The following HDAC5 variants were observed in gnomAD, a reference collection of about 807,000 sequenced individuals.
HDAC5 encodes the protein antigen NY-CO-9.
Under a neutral mutation model 133.3 loss-of-function variants are expected in HDAC5, and 25 were observed. The ratio of observed to expected loss-of-function variants is 0.19; its 90% confidence interval spans 0.14 to 0.26. HDAC5 has a LOEUF of 0.26. Ranked by LOEUF, HDAC5 falls within the 10% of genes least tolerant of loss-of-function variation. The pLI is 1.00. For missense variants in HDAC5, 1,041 were observed against 1,460.5 expected (o/e 0.71, Z 4.68); for synonymous variants, 589 against 610.8 (o/e 0.96, Z 0.53).
At chr17:44,102,113 C>T in intron 3 of HDAC5, among the ~76,000 whole-genome samples, 1 of 152,214 alleles carries the variant, frequency 6.6e-6, no homozygotes, top group Admixed American at 6.5e-5. Context: ...ACAGGCCCAG[C>T]ACTTAAGGCT....
In HDAC5 at chr17:44,093,451, T is replaced by C. The variant is rs1236974778; in HGVS notation, c.389A>G (p.Gln130Arg). The C allele has an allele frequency of 1.2e-6, 2 of 1,605,066 alleles. No individual in the cohort carries two copies. Among genetic ancestry groups the C allele is most frequent in the East Asian group, 2.2e-5 (1 of 44,760 alleles). The change falls in exon 5 of 27, where the codon CAG becomes CGG. Residue 130 changes from glutamine to arginine, a missense_variant. By Grantham distance (43) the Gln-to-Arg change is conservative. Coordinates refer to ENST00000682912, the MANE Select transcript of HDAC5 (RefSeq NM_005474.5). Reference protein sequence around the residue: ...QQEMLAAKQQQEMLAAKRQQE... With the variant: ...QQEMLAAKQQREMLAAKRQQE... ...CTGCCGCTTGGCTGCCAGCATCTCC[T>C]GCTGCTGCTTGGCTGCCAGCATCTC...
At chr17:44,092,591 C>T in intron 7 of HDAC5, 64 bp from the exon 8 acceptor site, 1 of 1,569,674 alleles carries the variant, frequency 6.4e-7, no homozygotes, top group Non-Finnish European at 8.7e-7. Flanking sequence ...GCTGAGCCCA[C>T]TGGGGTCAGG....
At chr17:44,085,283 A>C (rs909582967) in intron 14 of HDAC5, 128 bp from the exon 15 acceptor site, 2 of 889,468 alleles carry the variant, frequency 2.2e-6, no homozygotes, top group Admixed American at 3.3e-5. Flanking sequence ...CCCCATGGCC[A>C]CTGCAGCCAC....
intron 3 of HDAC5, among the ~76,000 whole-genome samples, chr17:44,097,977 G>A (rs1278746742): frequency 6.6e-6 from 1 of 152,266 alleles, no homozygotes; most frequent in Non-Finnish European, 1.5e-5. Flanking sequence ...CAGGCAGAGG[G>A]CTCTGCCATG....
Position 44,092,496 on chromosome 17 carries a change from C to A in HDAC5, c.804G>T (p.Arg268Ser). ...ASEPNLKVRS[R>S]LKQKVAERRS... ...TCCGCTCAGCCACCTTCTGTTTTAG[C>A]CTTGAACGCACTTTCAAGTTGGGTT... is the stretch of plus-strand genomic sequence containing the variant. The change falls in exon 8 of 27, where the codon AGG (arginine) becomes AGT (serine). Residue 268 changes from arginine to serine, a missense_variant. Physicochemically the swap from Arg to Ser is moderately radical, Grantham distance 110. Coordinates refer to ENST00000682912, the MANE Select transcript of HDAC5 (RefSeq NM_005474.5). 6.2e-7 allele frequency: 1 copy of A among 1,613,824 alleles called. No homozygotes were observed. The highest frequency in any genetic ancestry group is 8.5e-7 in the Non-Finnish European group (1 of 1,179,858).
intron 3 of HDAC5, 144 bp downstream of exon 3, chr17:44,110,585 T>C: frequency 1.5e-6 from 1 of 656,048 alleles, no homozygotes. Context: ...TGAGCAGGGA[T>C]CCCCCAGCCC....
At chr17:44,101,973 G>A (rs574835414) in intron 3 of HDAC5, among the ~76,000 whole-genome samples, 1 of 152,324 alleles carries the variant, frequency 6.6e-6, no homozygotes. Flanking sequence ...AATCCCCTCA[G>A]GGAGGAAGAT....
In HDAC5 at chr17:44,117,500, C is replaced by T. The variant is rs761589855; in HGVS notation, c.16G>A (p.Glu6Lys). 4 of 1,614,052 alleles carry T rather than the reference C, an allele frequency of 2.5e-6. No homozygotes were observed. In the South Asian group the frequency reaches 3.3e-5, roughly 13 times the overall value. The change falls in exon 2 of 27, where the codon GAG (glutamate) becomes AAG (lysine). Residue 6 changes from glutamate (E) to lysine (K), a missense_variant. By Grantham distance (56) the Glu-to-Lys change is moderately conservative. Coordinates refer to ENST00000682912, the MANE Select transcript of HDAC5 (RefSeq NM_005474.5). This position sits in a 1 kb window ranked among gnomAD's most constrained non-coding sequence, Gnocchi z 4.2. Reference protein sequence around the residue: MNSPNESDGMSGREPS... With the variant: MNSPNKSDGMSGREPS... ...CCAACCTCCCAGCTCTTACCCGACT[C>T]GTTGGGAGAGTTCATGCCGGCTCTG...
Position 44,093,468 on chromosome 17 carries a change from C to G in HDAC5, c.372G>C (p.Leu124=). Residue 124 remains leucine (L), a synonymous_variant, in exon 5 of 27, where the codon CTG becomes CTC. Transcript: ENST00000682912. ...GCATCTCCTGCTGCTGCTTGGCTGC[C>G]AGCATCTCCTGCTGCTGCTGCAGGG... ...QKHLKQQQEM[L]AAKQQQEMLA... is the part of the protein sequence containing the mutation. 6.2e-7 allele frequency: 1 copy of G among 1,606,952 alleles called. No homozygotes were observed. The highest frequency in any genetic ancestry group is 1.1e-5 in the South Asian group (1 of 90,822).
At chr17:44,118,720 C>T (rs1230524397) in intron 1 of HDAC5, among the ~76,000 whole-genome samples, 1 of 152,150 alleles carries the variant, frequency 6.6e-6, no homozygotes, top group Admixed American at 6.5e-5. Context: ...CAAATGAAGG[C>T]AGGCCCTCCA....
At chr17:44,084,364 G>A (rs377444821) in intron 16 of HDAC5, among the ~76,000 whole-genome samples, 191 bp downstream of exon 16, 41 of 152,278 alleles carry the variant, frequency 2.7e-4, no homozygotes, top group African/African-American at 9.4e-4. Flanking sequence ...CCTGCACCGC[G>A]CCCCACAGCA....
chr17:44,113,699 C>T (rs1452376765), intron 2 of HDAC5, among the ~76,000 whole-genome samples: 1 of 152,162 alleles, frequency 6.6e-6, no homozygotes, highest in Non-Finnish European at 1.5e-5. Context: ...TCTGCCCCTC[C>T]CTCAAAGGCT....
At chr17:44,101,755 G>A (rs975865882) in intron 3 of HDAC5, among the ~76,000 whole-genome samples, 8 of 152,188 alleles carry the variant, frequency 5.3e-5, no homozygotes, top group African/African-American at 1.4e-4. Flanking sequence ...CCTGACTCCT[G>A]GCACAGGCAG....
chr17:44,085,013 C>A lies in HDAC5; in HGVS notation c.2184+9G>T, dbSNP rs770890634. On this transcript the variant is annotated intron_variant, in intron 15 of 26. Transcript: ENST00000682912. The stretch of plus-strand genomic sequence containing the variant: ...AGTTGAGAGCCAGAAGAAGGAGGGG[C>A]TCCCTTACCTCGCACTTGCTAAGCA... 1.3e-6 allele frequency: 2 copies of A among 1,574,732 alleles called. No homozygotes were observed. Among genetic ancestry groups the A allele is most frequent in the Admixed American group, 1.7e-5 (1 of 57,148 alleles).
intron 1 of HDAC5, among the ~76,000 whole-genome samples, chr17:44,119,557 C>G (rs2052856517): frequency 6.6e-6 from 1 of 152,330 alleles, no homozygotes; most frequent in East Asian, 1.9e-4. Flanking sequence ...GCTCGGGACT[C>G]ATCTACGTCT....
At chr17:44,092,620 CCA>C in intron 7 of HDAC5, 54 bp downstream of exon 7, 1 of 1,540,062 alleles carries the variant, frequency 6.5e-7, no homozygotes, top group Non-Finnish European at 8.8e-7. Context: ...TGCCACAAGC[CCA>C]CCTCTGCCTC....
intron 3 of HDAC5, among the ~76,000 whole-genome samples, chr17:44,099,447 G>A (rs1597990044): frequency 1.3e-5 from 2 of 152,062 alleles, no homozygotes; most frequent in East Asian, 3.9e-4. Flanking sequence ...CTGGGTTGCT[G>A]AGTGGGTGGG....
At chr17:44,097,252 G>A (rs977695641) in intron 3 of HDAC5, among the ~76,000 whole-genome samples, 1 of 152,256 alleles carries the variant, frequency 6.6e-6, no homozygotes, top group African/African-American at 2.4e-5. Flanking sequence ...GGTGGGGTGG[G>A]AGAAGGTAAA....
chr17:44,102,189 A>C (rs1163984928), intron 3 of HDAC5, among the ~76,000 whole-genome samples: 1 of 152,196 alleles, frequency 6.6e-6, no homozygotes, highest in African/African-American at 2.4e-5. Context: ...CATCTAGCCC[A>C]AGCTCCAATC....
Sources: gnomAD v4.1 joint callset for allele counts (sites outside exome capture counted in the v4.1 genomes callset) on GRCh38, gnomAD v4.1.1 for gene constraint, Gnocchi (gnomAD v3.1) non-coding constraint, MANE v1.5 for transcripts, NCBI Gene and HGNC (gene_info 2026-07-23, HGNC 2026-07-21) for gene names.